Variants in USP34 observed in about 807,000 individuals in gnomAD.
The protein encoded by USP34 is ubiquitin carboxyl-terminal hydrolase 34.
USP34 carries 70 observed loss-of-function variants against 460.3 expected under a neutral mutation model. The observed-to-expected ratio is 0.15, with a 90% confidence interval of 0.13 to 0.19. The LOEUF is 0.19. Ranked by LOEUF, USP34 falls within the 10% of genes least tolerant of loss-of-function variation. USP34 has a pLI of 1.00. For synonymous variants in USP34, 1,647 were observed against 1,405.3 expected (o/e 1.17, Z -3.85); for missense variants, 3,985 against 4,236.2 (o/e 0.94, Z 1.65).
chr2:61,268,438 T>TAAA lies in USP34; in HGVS notation c.5434-2274_5434-2272dup, dbSNP rs35618230. On this transcript the variant is annotated intron_variant, in intron 41 of 79. Transcript: ENST00000398571. ...TTTGAGTTCATGCAAGAGCTGTTGT[T>TAAA]AAAAAAAAAAAAAAAAAAAAAAAAA... Among the ~76,000 whole-genome samples the TAAA allele has an allele frequency of 5.7e-3, 307 of 53,420 alleles. 2 individuals are homozygous for TAAA. Among genetic ancestry groups the TAAA allele is most frequent in the Non-Finnish European group, 8.4e-3 (256 of 30,628 alleles). 35.0% of individuals were successfully genotyped at this position (53,420 alleles called of 152,430 possible).
intron 32 of USP34, among the ~76,000 whole-genome samples, chr2:61,294,309 G>A (rs1363558809): frequency 6.6e-6 from 1 of 151,660 alleles, no homozygotes; most frequent in Non-Finnish European, 1.5e-5. Context: ...TCGCGCTGCT[G>A]CAATCCAGCC....
intron 1 of USP34, among the ~76,000 whole-genome samples, chr2:61,456,052 C>G (rs1695428914): frequency 6.6e-6 from 1 of 152,162 alleles, no homozygotes; most frequent in South Asian, 2.1e-4. Context: ...AAATGTATTT[C>G]TATACCTACC....
chr2:61,403,398 T>C (rs546550967), intron 3 of USP34, among the ~76,000 whole-genome samples: 2 of 152,304 alleles, frequency 1.3e-5, no homozygotes, highest in East Asian at 1.9e-4. Context: ...ATTTCACATA[T>C]CTAAGTCCCT....
intron 41 of USP34, among the ~76,000 whole-genome samples, chr2:61,268,889 C>T (rs1246680655): frequency 6.6e-6 from 1 of 152,088 alleles, no homozygotes; most frequent in Non-Finnish European, 1.5e-5. Context: ...ATGTTTCATA[C>T]TAGTTTGGCA....
At chr2:61,240,202 T>C (rs2103855239) in intron 53 of USP34, among the ~76,000 whole-genome samples, 1 of 151,944 alleles carries the variant, frequency 6.6e-6, no homozygotes, top group East Asian at 1.9e-4. Flanking sequence ...CATTCAGTTA[T>C]GTACTCAATA....
intron 48 of USP34, among the ~76,000 whole-genome samples, chr2:61,253,389 C>G (rs1012823751): frequency 6.6e-6 from 1 of 152,210 alleles, no homozygotes; most frequent in Non-Finnish European, 1.5e-5. Flanking sequence ...CAGCAGTTAA[C>G]TTTTGACTGA....
intron 5 of USP34, among the ~76,000 whole-genome samples, chr2:61,392,343 C>T (rs927558243): frequency 1.3e-5 from 2 of 152,050 alleles, no homozygotes; most frequent in East Asian, 3.8e-4. Context: ...AGGCCGGGTG[C>T]GGTGGCTCAA....
intron 43 of USP34, among the ~76,000 whole-genome samples, chr2:61,262,328 G>C (rs190639769): frequency 2.0e-5 from 3 of 151,820 alleles, no homozygotes; most frequent in Admixed American, 2.0e-4. Context: ...TTTCAATCCT[G>C]TTCCTCTTCC....
intron 43 of USP34, among the ~76,000 whole-genome samples, chr2:61,262,701 C>T (rs1041066719): frequency 1.2e-4 from 19 of 152,052 alleles, no homozygotes; most frequent in African/African-American, 4.1e-4. Context: ...GGTATATACC[C>T]AATGGAATAG....
At position 61,295,233 on chromosome 2, in the gene USP34, A is replaced by G. The variant is rs570971674; in HGVS notation, c.4312T>C (p.Leu1438=). The change falls in exon 31 of 80, where the codon TTG becomes CTG. Residue 1438 remains leucine (L), a synonymous_variant. Coordinates refer to ENST00000398571, the MANE Select transcript of USP34 (RefSeq NM_014709.4). The part of the protein sequence containing the change: ...LLKIKSAHKL[L]YALEIIEALG... ...GCTTCAATAATTTCCAGAGCATACA[A>G]TAGCTTGTGGGCGCTCTTAATTTTG... The G allele has an allele frequency of 1.1e-5, 18 of 1,611,742 alleles. No individual in the cohort carries two copies. The East Asian group carries it at 1.3e-4, about 12-fold the overall frequency.
At chr2:61,439,734 T>G (rs1239969054) in intron 1 of USP34, among the ~76,000 whole-genome samples, 1 of 152,174 alleles carries the variant, frequency 6.6e-6, no homozygotes, top group Non-Finnish European at 1.5e-5. Flanking sequence ...CCCTTGCCTG[T>G]GTCTCACCGC....
intron 27 of USP34, among the ~76,000 whole-genome samples, chr2:61,302,961 T>G (rs1316436048): frequency 6.6e-6 from 1 of 152,258 alleles, no homozygotes; most frequent in Non-Finnish European, 1.5e-5. Flanking sequence ...TAAATTTACC[T>G]AACATCTTTA....
intron 10 of USP34, among the ~76,000 whole-genome samples, chr2:61,356,281 A>C (rs1692101360): frequency 1.3e-5 from 2 of 152,204 alleles, no homozygotes; most frequent in Admixed American, 1.3e-4. Flanking sequence ...TGAGCCCAGG[A>C]AATCAAGACT....
At chr2:61,429,719 A>G (rs2103994365) in intron 1 of USP34, among the ~76,000 whole-genome samples, 1 of 152,376 alleles carries the variant, frequency 6.6e-6, no homozygotes, top group African/African-American at 2.4e-5. Flanking sequence ...GATGACTTCT[A>G]ACCGTATGCT....
chr2:61,464,618 G>A (rs1343242444), intron 1 of USP34, among the ~76,000 whole-genome samples: 4 of 151,316 alleles, frequency 2.6e-5, no homozygotes, highest in East Asian at 1.9e-4. Context: ...TACACCAGGC[G>A]TGGTGGCTCA....
Position 61,187,496 on chromosome 2 carries a change from ACAGAATAGCAAT to A in USP34, c.*594_*605del, listed in dbSNP as rs1196436623. On this transcript the variant is annotated 3_prime_UTR_variant, in exon 80 of 80. Coordinates refer to ENST00000398571, the MANE Select transcript of USP34 (RefSeq NM_014709.4). Reference sequence around the variant, plus strand: ...CATCACAATCAGTTTAATTAAGTGCACAGAATAGCAATCAATCAATCAGTCATGTCAATAAAA... The same window carrying A: ...CATCACAATCAGTTTAATTAAGTGCACAATCAATCAGTCATGTCAATAAAA... The A allele has an allele frequency of 1.1e-6, 1 of 907,490 alleles. No homozygotes were observed. The highest frequency in any genetic ancestry group is 1.3e-6 in the Non-Finnish European group (1 of 798,260). 56.2% of individuals were successfully genotyped at this position (907,490 alleles called of 1,614,324 possible). A position where few individuals can be genotyped will look rare whatever the true frequency, so the allele number is the denominator to read the frequency against.
chr2:61,450,544 T>A (rs1409432425), intron 1 of USP34, among the ~76,000 whole-genome samples: 1 of 152,068 alleles, frequency 6.6e-6, no homozygotes, highest in African/African-American at 2.4e-5. Flanking sequence ...GGGAGATCAC[T>A]TGAGGGCAGG....
intron 1 of USP34, among the ~76,000 whole-genome samples, chr2:61,465,527 T>A (rs1380010366): frequency 6.6e-6 from 1 of 152,196 alleles, no homozygotes. Context: ...TACCCACACT[T>A]GTGTCTACCC....
chr2:61,223,384 C>A, intron 62 of USP34, 88 bp from the exon 63 acceptor site: 1 of 1,321,040 alleles, frequency 7.6e-7, no homozygotes, highest in Non-Finnish European at 1.1e-6. Flanking sequence ...ATTGTTGATT[C>A]AATTATAATT....
Sources: allele counts gnomAD v4.1 joint callset (sites outside exome capture counted in the v4.1 genomes callset), GRCh38; gene constraint gnomAD v4.1.1; transcripts MANE v1.5; gene names NCBI Gene and HGNC (gene_info 2026-07-23, HGNC 2026-07-21).